The following PKP4 variants were observed in gnomAD, a reference collection of about 807,000 sequenced individuals.
PKP4 encodes the protein plakophilin 4.
A neutral mutation model predicts 145.1 loss-of-function variants in PKP4; 90 were observed. The ratio of observed to expected loss-of-function variants is 0.62; its 90% CI spans 0.52 to 0.74. The LOEUF (loss-of-function observed/expected upper bound fraction) is 0.74, where lower values mean the gene tolerates loss of function less well. Among genes scored for constraint, PKP4 ranks in the 30% least tolerant of loss-of-function variants. The pLI, the probability that PKP4 is intolerant of heterozygous loss-of-function variation, is 0.00. For missense variants in PKP4, 1,340 were observed against 1,482.7 expected (o/e 0.90, Z 1.58); for synonymous variants, 563 against 577.2 (o/e 0.98, Z 0.35).
intron 1 of PKP4, among the ~76,000 whole-genome samples, chr2:158,464,130 A>G (rs1287938464): frequency 6.6e-6 from 1 of 152,204 alleles, no homozygotes; most frequent in Non-Finnish European, 1.5e-5. Context: ...GTTAGAAGGG[A>G]CTAGTCTTGT....
intron 1 of PKP4, among the ~76,000 whole-genome samples, chr2:158,476,065 T>C (rs561645864): frequency 5.3e-5 from 8 of 152,340 alleles, no homozygotes; most frequent in Admixed American, 5.2e-4. Flanking sequence ...AACATCCTTA[T>C]CTTTTTAACT....
At chr2:158,538,321 T>C (rs1454259960) in intron 2 of PKP4, among the ~76,000 whole-genome samples, 1 of 152,168 alleles carries the variant, frequency 6.6e-6, no homozygotes, top group African/African-American at 2.4e-5. Context: ...TATGATCTCT[T>C]GGTTTTAGAA....
At chr2:158,640,188 T>C (rs2054153176) in intron 9 of PKP4, among the ~76,000 whole-genome samples, 1 of 152,226 alleles carries the variant, frequency 6.6e-6, no homozygotes, top group Admixed American at 6.5e-5. Context: ...CCACAATGTT[T>C]GTGATTTCTA....
At chr2:158,573,174 G>A (rs932610737) in intron 2 of PKP4, among the ~76,000 whole-genome samples, 13 of 152,136 alleles carry the variant, frequency 8.5e-5, no homozygotes, top group African/African-American at 2.9e-4. Context: ...CTATTGGGCA[G>A]TGAAAATAGA....
intron 3 of PKP4, 110 bp downstream of exon 3, chr2:158,577,493 C>G (rs1281750235): frequency 4.4e-6 from 3 of 687,420 alleles, no homozygotes; most frequent in Non-Finnish European, 7.2e-6. Flanking sequence ...AACTTGCCTT[C>G]CAGAATTTGA....
At chr2:158,533,704 G>T (rs901334241) in intron 2 of PKP4, among the ~76,000 whole-genome samples, 7 of 152,238 alleles carry the variant, frequency 4.6e-5, no homozygotes, top group African/African-American at 1.7e-4. Flanking sequence ...TTTAACATAG[G>T]TAGTATATAG....
chr2:158,673,698 G>T lies in PKP4; in HGVS notation c.2946G>T (p.Lys982Asn), dbSNP rs769722113. The T allele has an allele frequency of 6.2e-7, 1 of 1,612,828 alleles. No individual in the cohort carries two copies. Among genetic ancestry groups the T allele is most frequent in the South Asian group, 1.1e-5 (1 of 91,028 alleles). ...CTAGATCATCTCTGAAAGTGGTGAAGGCAGCAGCCCAGGTCTTGAATACAT... is the reference window on the plus strand; with the variant it reads ...CTAGATCATCTCTGAAAGTGGTGAATGCAGCAGCCCAGGTCTTGAATACAT... Reference protein sequence around the residue: ...RGDRSSLKVVKAAAQVLNTLW... With the variant: ...RGDRSSLKVVNAAAQVLNTLW... Residue 982 changes from lysine to asparagine, a missense_variant, in exon 18 of 22, where the codon AAG becomes AAT. By Grantham distance (94) the Lys-to-Asn change is moderately conservative. Transcript: ENST00000389759.
At chr2:158,575,214 G>C (rs900832513) in intron 2 of PKP4, among the ~76,000 whole-genome samples, 3 of 152,144 alleles carry the variant, frequency 2.0e-5, no homozygotes, top group African/African-American at 7.2e-5. Flanking sequence ...TCTTGACCTT[G>C]AGACCTAATG....
intron 2 of PKP4, among the ~76,000 whole-genome samples, chr2:158,565,922 C>G (rs568669971): frequency 8.5e-5 from 13 of 152,236 alleles, no homozygotes; most frequent in African/African-American, 3.1e-4. Flanking sequence ...AAAGTTAAGA[C>G]AAAAATTTTG....
chr2:158,544,830 C>G (rs146113558), intron 2 of PKP4, among the ~76,000 whole-genome samples: 3 of 152,240 alleles, frequency 2.0e-5, no homozygotes, highest in African/African-American at 7.2e-5. Context: ...CAAGAGGGCC[C>G]TTTTTTAACT....
At chr2:158,459,984 A>G (rs1689521489) in intron 1 of PKP4, among the ~76,000 whole-genome samples, 1 of 152,180 alleles carries the variant, frequency 6.6e-6, no homozygotes, top group Non-Finnish European at 1.5e-5. Flanking sequence ...ACCAAAGTGC[A>G]TTCCCTCCCC....
intron 6 of PKP4, 152 bp from the exon 7 acceptor site, chr2:158,624,726 T>C (rs1192834048): frequency 2.0e-6 from 1 of 512,238 alleles, no homozygotes; most frequent in Non-Finnish European, 3.2e-6. Context: ...GAAAAATTAA[T>C]GTCTGGCTCA....
chr2:158,606,046 C>G lies in PKP4; in HGVS notation c.280+2942C>G, dbSNP rs536152257. Among the ~76,000 whole-genome samples the G allele has an allele frequency of 3.7e-4, 56 of 152,162 alleles. 1 individual carries two copies. The highest frequency in any genetic ancestry group is 4.8e-4 in the African/African-American group (20 of 41,520). On this transcript the variant is annotated intron_variant, in intron 4 of 21. Transcript: ENST00000389759. Reference sequence around the variant, plus strand: ...GACATTTAGGTCTTACTACTTTTGTCTGTTATGAATAATGCTTTTATGACC... The same window carrying G: ...GACATTTAGGTCTTACTACTTTTGTGTGTTATGAATAATGCTTTTATGACC...
intron 1 of PKP4, among the ~76,000 whole-genome samples, chr2:158,497,583 A>G (rs1442282142): frequency 6.6e-6 from 1 of 152,222 alleles, no homozygotes; most frequent in African/African-American, 2.4e-5. Flanking sequence ...CAGCTTAGGA[A>G]TCAGGTAGAC....
chr2:158,660,831 C>G (rs917097595), intron 12 of PKP4: 4 of 152,150 alleles, frequency 2.6e-5, no homozygotes, highest in African/African-American at 4.8e-5. Context: ...ACTTACTGCA[C>G]GCAAAATATT....
intron 3 of PKP4, among the ~76,000 whole-genome samples, chr2:158,586,210 G>A (rs2048790747): frequency 2.0e-5 from 3 of 152,058 alleles, no homozygotes; most frequent in Non-Finnish European, 4.4e-5. Flanking sequence ...TGGCTCTTAT[G>A]AATAGTGCTG....
intron 1 of PKP4, among the ~76,000 whole-genome samples, chr2:158,480,188 T>A (rs1693127490): frequency 6.6e-6 from 1 of 152,220 alleles, no homozygotes; most frequent in African/African-American, 2.4e-5. Context: ...ATTTTAAGTA[T>A]CTAGCAACTC....
rs1406608909 is a variant in PKP4, at chr2:158,531,264, CTT to C, written c.-5-1914_-5-1913del. ...TCTGTTTCTCCTTTTCTCAAATTAT[CTT>C]TGTTCACTGAATTTTTCCTTCTTTT... is the stretch of plus-strand genomic sequence containing the variant. On this transcript the variant is annotated intron_variant, in intron 1 of 21. Transcript: ENST00000389759. Among the ~76,000 whole-genome samples the C allele has an allele frequency of 2.0e-5, 3 of 152,156 alleles. No homozygotes were observed. The East Asian group carries it at 5.8e-4, about 29-fold the overall frequency.
chr2:158,569,603 A>G (rs1289532887), intron 2 of PKP4, among the ~76,000 whole-genome samples: 3 of 151,954 alleles, frequency 2.0e-5, no homozygotes, highest in Non-Finnish European at 2.9e-5. Flanking sequence ...TTAAATGTAG[A>G]CTATAGTATA....
Sources: allele counts gnomAD v4.1 joint callset (sites outside exome capture counted in the v4.1 genomes callset), GRCh38; gene constraint gnomAD v4.1.1; transcripts MANE v1.5; gene names NCBI Gene and HGNC (gene_info 2026-07-23, HGNC 2026-07-21).